The following LDLRAD4 variants were observed in gnomAD, a reference collection of about 807,000 sequenced individuals.
LDLRAD4 encodes the protein low-density lipoprotein receptor class A domain-containing protein 4.
LDLRAD4 carries 5 observed loss-of-function variants against 17.0 expected under a neutral mutation model. The ratio of observed to expected loss-of-function variants is 0.29; its 90% CI spans 0.15 to 0.62. The LOEUF (loss-of-function observed/expected upper bound fraction) is 0.62, where lower values mean the gene tolerates loss of function less well. Among genes scored for constraint, LDLRAD4 ranks in the 20% least tolerant of loss-of-function variants. LDLRAD4 has a pLI of 0.84. For missense variants in LDLRAD4, 340 were observed against 424.7 expected (o/e 0.80, Z 1.75); for synonymous variants, 168 against 171.8 (o/e 0.98, Z 0.17).
chr18:13,589,512 C>T (rs1159761993), intron 3 of LDLRAD4, among the ~76,000 whole-genome samples: 1 of 152,110 alleles, frequency 6.6e-6, no homozygotes, highest in Non-Finnish European at 1.5e-5. Context: ...TTTTGGGGAG[C>T]CTTGCTGGTG....
rs7244897 is a variant in LDLRAD4, at chr18:13,599,315, G to T, written c.182-21802G>T. On this transcript the variant is annotated intron_variant, in intron 3 of 5. Transcript: ENST00000359446. ...CACTGTTCTTACAATGGAAGTAAGA[G>T]ATTTTAATAGATTTTCTTGAAACAA... Among the ~76,000 whole-genome samples, 837 of 152,216 alleles carry T rather than the reference G, an allele frequency of 5.5e-3. 3 individuals carry two copies. The highest frequency in any genetic ancestry group is 0.016 in the African/African-American group (647 of 41,520).
At chr18:13,593,175 T>C (rs960262480) in intron 3 of LDLRAD4, among the ~76,000 whole-genome samples, 1 of 152,060 alleles carries the variant, frequency 6.6e-6, no homozygotes, top group African/African-American at 2.4e-5. Flanking sequence ...TAGCCGGACA[T>C]GGTGGTGTGT....
chr18:13,416,169 C>T (rs1270658051), intron 2 of LDLRAD4, among the ~76,000 whole-genome samples: 1 of 152,218 alleles, frequency 6.6e-6, no homozygotes. Context: ...TCATCATCCT[C>T]AGTTTCCCTT....
At chr18:13,551,283 C>G (rs1018913384) in intron 3 of LDLRAD4, among the ~76,000 whole-genome samples, 7 of 152,254 alleles carry the variant, frequency 4.6e-5, no homozygotes, top group Admixed American at 4.6e-4. Context: ...GCTGTGCTGA[C>G]CTTCCTATCA....
At chr18:13,284,998 G>A (rs746279753) in intron 1 of LDLRAD4, among the ~76,000 whole-genome samples, 5 of 152,214 alleles carry the variant, frequency 3.3e-5, no homozygotes, top group Non-Finnish European at 7.4e-5. Flanking sequence ...GATGTGAGAC[G>A]ACCTCCCCTT....
intron 1 of LDLRAD4, among the ~76,000 whole-genome samples, chr18:13,348,093 A>T (rs145421509): frequency 1.3e-5 from 2 of 152,254 alleles, no homozygotes; most frequent in African/African-American, 4.8e-5. Context: ...TTCTCTGTCC[A>T]GCTTTGTTGC....
intron 3 of LDLRAD4, among the ~76,000 whole-genome samples, chr18:13,591,448 GTC>G (rs1555757962): frequency 1.4e-5 from 2 of 143,718 alleles, no homozygotes; most frequent in African/African-American, 2.6e-5. Flanking sequence ...GTGTGTGTGT[GTC>G]TCTGTGTGTG....
intron 1 of LDLRAD4, among the ~76,000 whole-genome samples, chr18:13,231,693 T>C (rs1190233002): frequency 6.6e-6 from 1 of 152,248 alleles, no homozygotes; most frequent in Admixed American, 6.5e-5. Flanking sequence ...ATGGGAATAA[T>C]AATGCCTTCT....
At chr18:13,609,356 G>A (rs1158336053) in intron 3 of LDLRAD4, among the ~76,000 whole-genome samples, 1 of 152,144 alleles carries the variant, frequency 6.6e-6, no homozygotes, top group Non-Finnish European at 1.5e-5. Flanking sequence ...TTCAAGTGGT[G>A]CTTAAAAGGA....
chr18:13,256,614 T>C (rs1264554630), intron 1 of LDLRAD4, among the ~76,000 whole-genome samples: 1 of 152,188 alleles, frequency 6.6e-6, no homozygotes, highest in East Asian at 1.9e-4. Flanking sequence ...GTAGGACTGG[T>C]GTGAACAGTG....
At chr18:13,571,371 A>T (rs148709121) in intron 3 of LDLRAD4, among the ~76,000 whole-genome samples, 199 of 152,306 alleles carry the variant, frequency 1.3e-3, no homozygotes, top group African/African-American at 4.4e-3. Flanking sequence ...AAGCATGTGA[A>T]GTTGGTCACA....
At chr18:13,471,817 C>G (rs1398345679) in intron 3 of LDLRAD4, 1 of 152,280 alleles carries the variant, frequency 6.6e-6, no homozygotes, top group Non-Finnish European at 1.5e-5. Context: ...CTCCATTTTT[C>G]TTGAAGAACA....
chr18:13,463,395 C>T (rs1009163618), intron 3 of LDLRAD4, among the ~76,000 whole-genome samples: 7 of 152,236 alleles, frequency 4.6e-5, no homozygotes, highest in Non-Finnish European at 8.8e-5. Flanking sequence ...TCCCAGGGCA[C>T]CTGCCTGACG....
At chr18:13,232,589 C>A (rs1002128372) in intron 1 of LDLRAD4, among the ~76,000 whole-genome samples, 1 of 152,122 alleles carries the variant, frequency 6.6e-6, no homozygotes, top group Non-Finnish European at 1.5e-5. Flanking sequence ...CTGTGCTCCA[C>A]AAGCCTCTAT....
intron 1 of LDLRAD4, among the ~76,000 whole-genome samples, chr18:13,257,888 T>C (rs1049359079): frequency 2.6e-5 from 4 of 152,094 alleles, no homozygotes; most frequent in African/African-American, 7.2e-5. Context: ...TTTGGATAGA[T>C]GGATAATGGT....
intron 3 of LDLRAD4, among the ~76,000 whole-genome samples, chr18:13,545,131 T>C (rs2094342885): frequency 6.6e-6 from 1 of 152,052 alleles, no homozygotes; most frequent in Non-Finnish European, 1.5e-5. Context: ...TGGCCTCCTC[T>C]TGATGGCCCA....
chr18:13,488,587 G>A (rs908320244), intron 3 of LDLRAD4: 4 of 152,238 alleles, frequency 2.6e-5, no homozygotes, highest in African/African-American at 9.6e-5. Flanking sequence ...CTGACTTGTC[G>A]TTTGCCTCCA....
At position 13,300,837 on chromosome 18, in the gene LDLRAD4, C is replaced by CAG. The variant is rs892954726; in HGVS notation, c.-383+22653_-383+22654dup. Among the ~76,000 whole-genome samples the CAG allele has an allele frequency of 9.2e-5, 14 of 152,164 alleles. No homozygotes were observed. The highest frequency in any genetic ancestry group is 3.4e-4 in the African/African-American group (14 of 41,428). On this transcript the variant is annotated intron_variant, in intron 1 of 5. Transcript: ENST00000359446. This position sits in a 1 kb window ranked among gnomAD's most constrained non-coding sequence, Gnocchi z 4.2. ...AGGCTGAACAGACACCTCTCATGATCAGAGATGGGGTGTGGGAAGGAAGGA... is the reference window on the plus strand; with the variant it reads ...AGGCTGAACAGACACCTCTCATGATCAGAGAGATGGGGTGTGGGAAGGAAGGA...
rs1231059580 is a variant in LDLRAD4 at position 13,504,552 on chromosome 18, C to CG, written c.181+66169dup. Among the ~76,000 whole-genome samples, 6 of 152,156 alleles carry CG rather than the reference C, an allele frequency of 3.9e-5. No homozygotes were observed. The East Asian group carries it at 1.2e-3, about 29-fold the overall frequency. On this transcript the variant is annotated intron_variant, in intron 3 of 5. Transcript: ENST00000359446. Reference sequence around the variant, plus strand: ...AAGCGATTCTCCTGCCTCAGCCTCCCGAGTAGCTGGGATTACAGGCATGCG... The same window carrying CG: ...AAGCGATTCTCCTGCCTCAGCCTCCCGGAGTAGCTGGGATTACAGGCATGCG...
Sources: allele counts gnomAD v4.1 joint callset (sites outside exome capture counted in the v4.1 genomes callset), GRCh38; gene constraint gnomAD v4.1.1; non-coding constraint Gnocchi (gnomAD v3.1); transcripts MANE v1.5; gene names NCBI Gene and HGNC (gene_info 2026-07-23, HGNC 2026-07-21).